ANKUB1: variants seen among roughly 807,000 people sequenced by gnomAD.
The protein encoded by ANKUB1 is protein ANKUB1.
Under a neutral mutation model 49.3 loss-of-function variants are expected in ANKUB1, and 42 were observed. That is an observed-to-expected ratio of 0.85 (90% CI 0.67 to 1.10). ANKUB1 has a LOEUF of 1.10. Among genes scored for constraint, ANKUB1 ranks in the 50% least tolerant of loss-of-function variants. ANKUB1 has a pLI of 0.00. For missense variants in ANKUB1, 613 were observed against 642.0 expected (o/e 0.95, Z 0.49); for synonymous variants, 222 against 231.0 (o/e 0.96, Z 0.35).
chr3:149,767,570 C>G lies in ANKUB1; in HGVS notation c.1092G>C (p.Lys364Asn). ...TGCTTTGTGAGTCGCTGTTCCCAGC[C>G]TTATGCCAGCTCTTGGAGGTCATTT... ...KPKMTSKSWH[K>N]AGNSDSQSIV... Residue 364 changes from lysine to asparagine, a missense_variant, in exon 5 of 6, where the codon AAG (lysine) becomes AAC (asparagine). Lys to Asn is a moderately conservative substitution (Grantham distance 94). Transcript: ENST00000446160. 6.4e-7 allele frequency: 1 copy of G among 1,551,684 alleles called. No homozygotes were observed. The highest frequency in any genetic ancestry group is 8.7e-7 in the Non-Finnish European group (1 of 1,147,004).
intron 1 of ANKUB1, among the ~76,000 whole-genome samples, chr3:149,791,514 G>A (rs754672245): frequency 1.1e-4 from 17 of 152,090 alleles, no homozygotes; most frequent in Non-Finnish European, 2.2e-4. Flanking sequence ...GACTTCCAAA[G>A]GGGTTAATAA....
At chr3:149,786,105 G>A (rs984574646) in intron 2 of ANKUB1, among the ~76,000 whole-genome samples, 5 of 151,918 alleles carry the variant, frequency 3.3e-5, no homozygotes, top group Non-Finnish European at 5.9e-5. Flanking sequence ...GTGCTATCTC[G>A]GCTCACTGCA....
intron 3 of ANKUB1, among the ~76,000 whole-genome samples, chr3:149,776,247 A>G (rs73870408): frequency 0.025 from 3,774 of 152,258 alleles, 58 homozygotes; most frequent in Non-Finnish European, 0.03. Context: ...ACAAAGTTCC[A>G]GTTCTCCTCC....
Position 149,761,592 on chromosome 3 carries a change from C to G in ANKUB1, c.1527G>C (p.Trp509Cys). The G allele has an allele frequency of 1.3e-6, 2 of 1,550,986 alleles. No individual in the cohort carries two copies. The highest frequency in any genetic ancestry group is 8.7e-7 in the Non-Finnish European group (1 of 1,146,644). ...CTCTTGCTATTTCTAACTGCTGAAG[C>G]CATCGTTTCTCTTTAAAGGCACTGC... ...AVASAFKEKR[W>C]LQQLEIARVL... The change falls in exon 6 of 6, where the codon TGG becomes TGC. Residue 509 changes from tryptophan (W) to cysteine (C), a missense_variant. Coordinates refer to ENST00000446160, the MANE Select transcript of ANKUB1 (RefSeq NM_001144960.3).
chr3:149,783,527 A>G lies in ANKUB1; in HGVS notation c.235-3072T>C, dbSNP rs78292265. 1.4e-4 allele frequency: 22 copies of G among 152,386 alleles called. No individual in the cohort carries two copies. In the East Asian group the frequency reaches 4.0e-3, roughly 28 times the overall value. The allele number at this position is 152,386 out of a possible 1,614,324, so 9.4% of individuals were successfully genotyped here. Reference sequence around the variant, plus strand: ...ACCTTCAAAAAACAAATGCAAACTTACTGTAAATTCATACATGTACTTTAA... The same window carrying G: ...ACCTTCAAAAAACAAATGCAAACTTGCTGTAAATTCATACATGTACTTTAA... On this transcript the variant is annotated intron_variant, in intron 2 of 5. Transcript: ENST00000446160.
intron 2 of ANKUB1, among the ~76,000 whole-genome samples, chr3:149,789,903 C>T (rs555399082): frequency 1.9e-4 from 29 of 152,212 alleles, no homozygotes; most frequent in Middle Eastern, 6.8e-3. Flanking sequence ...GCACCCAGCC[C>T]AGAGTATTCC....
intron 4 of ANKUB1, among the ~76,000 whole-genome samples, chr3:149,768,303 T>C (rs1717161946): frequency 6.6e-6 from 1 of 152,236 alleles, no homozygotes; most frequent in African/African-American, 2.4e-5. Context: ...TATGCACGTG[T>C]AAATAGTTTC....
At chr3:149,782,121 C>G (rs1449204812) in intron 2 of ANKUB1, among the ~76,000 whole-genome samples, 1 of 152,068 alleles carries the variant, frequency 6.6e-6, no homozygotes, top group East Asian at 1.9e-4. Flanking sequence ...TATGTAATAG[C>G]TCTTTTTTAT....
chr3:149,784,849 C>A (rs1718023715), intron 2 of ANKUB1, among the ~76,000 whole-genome samples: 1 of 152,164 alleles, frequency 6.6e-6, no homozygotes, highest in Non-Finnish European at 1.5e-5. Flanking sequence ...TGCAGACAAT[C>A]ATATACCATC....
intron 5 of ANKUB1, chr3:149,766,797 CA>C (rs1012679695): frequency 8.9e-7 from 1 of 1,129,442 alleles, no homozygotes; most frequent in African/African-American, 1.6e-5. Flanking sequence ...GACCCTGTCT[CA>C]AACAAAAAGA....
At chr3:149,772,925 ACAC>A (rs1389422097) in intron 3 of ANKUB1, among the ~76,000 whole-genome samples, 2 of 152,182 alleles carry the variant, frequency 1.3e-5, no homozygotes, top group Non-Finnish European at 2.9e-5. Context: ...AGATTTCAGA[ACAC>A]CAGTAATCTT....
At chr3:149,789,081 T>G (rs1718241138) in intron 2 of ANKUB1, among the ~76,000 whole-genome samples, 1 of 152,118 alleles carries the variant, frequency 6.6e-6, no homozygotes, top group Non-Finnish European at 1.5e-5. Flanking sequence ...GCCAGGATAC[T>G]TTTTACTGTG....
chr3:149,771,692 G>T, intron 3 of ANKUB1, among the ~76,000 whole-genome samples: 2 of 151,898 alleles, frequency 1.3e-5, no homozygotes, highest in Middle Eastern at 3.4e-3. Context: ...ATTCCTTCAC[G>T]ACTTGCCGTA....
At chr3:149,791,000 T>A in intron 1 of ANKUB1, 76 bp from the exon 2 acceptor site, 1 of 1,388,608 alleles carries the variant, frequency 7.2e-7, no homozygotes, top group Non-Finnish European at 9.5e-7. Flanking sequence ...TCTTTCCCTT[T>A]ACATTTTTTT....
chr3:149,781,606 T>C (rs939090944), intron 2 of ANKUB1, among the ~76,000 whole-genome samples: 1 of 152,124 alleles, frequency 6.6e-6, no homozygotes, highest in Non-Finnish European at 1.5e-5. Flanking sequence ...CCTTCCTCTA[T>C]TTCTTCCATC....
At chr3:149,764,677 T>TTTCCTTCC (rs145638423) in intron 5 of ANKUB1, among the ~76,000 whole-genome samples, 6,172 of 140,734 alleles carry the variant, frequency 0.044, 302 homozygotes, top group African/African-American at 0.12. Flanking sequence ...TTTCTTTTTC[T>TTTCCTTCC]TTCCTTCCTT....
intron 2 of ANKUB1, among the ~76,000 whole-genome samples, chr3:149,781,170 A>G (rs1717852376): frequency 6.6e-6 from 1 of 152,096 alleles, no homozygotes; most frequent in Admixed American, 6.6e-5. Context: ...TAGGTTTAGA[A>G]AAGTTTCTTT....
chr3:149,762,050 G>A (rs1716805334), intron 5 of ANKUB1, among the ~76,000 whole-genome samples: 1 of 152,128 alleles, frequency 6.6e-6, no homozygotes, highest in African/African-American at 2.4e-5. Context: ...AATGTTTTAT[G>A]ATAGTTATTC....
At chr3:149,786,235 C>T (rs1488246805) in intron 2 of ANKUB1, among the ~76,000 whole-genome samples, 3 of 152,176 alleles carry the variant, frequency 2.0e-5, no homozygotes, top group Non-Finnish European at 4.4e-5. Flanking sequence ...CGGGGTTTCA[C>T]TGTGTTAGCC....
Sources: gnomAD v4.1 joint callset for allele counts (sites outside exome capture counted in the v4.1 genomes callset) on GRCh38, gnomAD v4.1.1 for gene constraint, MANE v1.5 for transcripts, NCBI Gene and HGNC (gene_info 2026-07-23, HGNC 2026-07-21) for gene names.